The following SYN3 variants were observed in gnomAD, a reference collection of about 807,000 sequenced individuals.
SYN3 encodes synapsin III.
A neutral mutation model predicts 65.8 loss-of-function variants in SYN3; 35 were observed. That is an observed-to-expected ratio of 0.53 (90% confidence interval 0.41 to 0.70). The LOEUF (loss-of-function observed/expected upper bound fraction) is 0.70, where lower values mean the gene tolerates loss of function less well. SYN3 is among the 30% of genes least tolerant of loss of function. SYN3 has a pLI of 0.00. For synonymous variants in SYN3, 270 were observed against 292.9 expected (o/e 0.92, Z 0.80); for missense variants, 680 against 749.0 (o/e 0.91, Z 1.08).
At chr22:32,871,454 C>T (rs1408721618) in intron 4 of SYN3, among the ~76,000 whole-genome samples, 3 of 152,200 alleles carry the variant, frequency 2.0e-5, no homozygotes, top group Non-Finnish European at 4.4e-5. Flanking sequence ...CAAGATCCCA[C>T]ATGTGAAGTG....
chr22:32,595,224 A>G (rs1473496003), intron 7 of SYN3, among the ~76,000 whole-genome samples: 3 of 152,206 alleles, frequency 2.0e-5, no homozygotes, highest in African/African-American at 7.2e-5. Context: ...GTGCTGGACA[A>G]AAAGAGGGTC....
chr22:32,701,849 T>C (rs1053571382), intron 6 of SYN3, among the ~76,000 whole-genome samples: 1 of 151,772 alleles, frequency 6.6e-6, no homozygotes, highest in Non-Finnish European at 1.5e-5. Context: ...ACAGAAAAAA[T>C]TATGAAAATA....
At chr22:32,737,764 C>T (rs1450130515) in intron 6 of SYN3, among the ~76,000 whole-genome samples, 1 of 152,164 alleles carries the variant, frequency 6.6e-6, no homozygotes, top group Non-Finnish European at 1.5e-5. Flanking sequence ...CTCCACTTCC[C>T]ATCCTCCCTA....
intron 1 of SYN3, among the ~76,000 whole-genome samples, chr22:33,036,259 A>T (rs1433867934): frequency 6.6e-6 from 1 of 152,116 alleles, no homozygotes; most frequent in Non-Finnish European, 1.5e-5. Flanking sequence ...GCCTTCATAA[A>T]CCTCGATGAT....
intron 6 of SYN3, among the ~76,000 whole-genome samples, chr22:32,602,789 C>G (rs753756065): frequency 6.6e-6 from 1 of 151,970 alleles, no homozygotes; most frequent in Non-Finnish European, 1.5e-5. Context: ...ATAGCTGCAC[C>G]GTCTACACAT....
At chr22:32,605,508 A>C (rs2059360254) in intron 6 of SYN3, among the ~76,000 whole-genome samples, 1 of 152,192 alleles carries the variant, frequency 6.6e-6, no homozygotes, top group Admixed American at 6.5e-5. Context: ...AGCACTTTAC[A>C]TATATCGCCC....
chr22:32,706,646 A>T (rs1201989639), intron 6 of SYN3, among the ~76,000 whole-genome samples: 2 of 152,240 alleles, frequency 1.3e-5, no homozygotes, highest in East Asian at 3.8e-4. Context: ...TGAGGGGCAG[A>T]TGGGGGACCT....
intron 6 of SYN3, among the ~76,000 whole-genome samples, chr22:32,630,975 AC>A (rs2059739063): frequency 6.6e-6 from 1 of 152,154 alleles, no homozygotes; most frequent in African/African-American, 2.4e-5. Context: ...CCTAATGCTA[AC>A]CTCAGCCAGA....
intron 3 of SYN3, among the ~76,000 whole-genome samples, chr22:32,943,370 A>G (rs544351860): frequency 6.6e-6 from 1 of 152,212 alleles, no homozygotes; most frequent in Non-Finnish European, 1.5e-5. Flanking sequence ...AAGGAGAAAT[A>G]AAATACTTTA....
intron 4 of SYN3, among the ~76,000 whole-genome samples, chr22:32,889,428 A>G (rs921181781): frequency 6.6e-6 from 1 of 152,152 alleles, no homozygotes; most frequent in Admixed American, 6.5e-5. Context: ...GAAAAAAAAA[A>G]AACAAAAAAC....
At chr22:32,623,171 T>G (rs541937500) in intron 6 of SYN3, among the ~76,000 whole-genome samples, 1 of 152,018 alleles carries the variant, frequency 6.6e-6, no homozygotes, top group South Asian at 2.1e-4. Flanking sequence ...GGATAGTTTT[T>G]GCTTTTTTTT....
At chr22:32,596,583 G>C (rs1422094474) in intron 7 of SYN3, 91 bp downstream of exon 7, 1 of 1,357,004 alleles carries the variant, frequency 7.4e-7, no homozygotes, top group Non-Finnish European at 1.0e-6. Context: ...CCTGTGCTAA[G>C]GGGTTGATGG....
intron 3 of SYN3, among the ~76,000 whole-genome samples, chr22:32,970,283 C>T (rs529612450): frequency 3.6e-4 from 54 of 152,072 alleles, no homozygotes; most frequent in Non-Finnish European, 6.2e-4. Flanking sequence ...GTGGTGGGGC[C>T]GGGATTCAAA....
chr22:32,874,861 G>A (rs1357072002), intron 4 of SYN3, among the ~76,000 whole-genome samples: 2 of 152,138 alleles, frequency 1.3e-5, no homozygotes, highest in African/African-American at 4.8e-5. Flanking sequence ...CTCCACCTTG[G>A]AAAATTCAAC....
intron 6 of SYN3, among the ~76,000 whole-genome samples, chr22:32,773,525 A>C (rs776834937): frequency 3.4e-4 from 51 of 151,988 alleles, no homozygotes; most frequent in Non-Finnish European, 6.8e-4. Flanking sequence ...CCTCTTTCTC[A>C]AAAGAGGTGG....
At chr22:33,057,356 C>T (rs1387263227) in intron 1 of SYN3, among the ~76,000 whole-genome samples, 2 of 152,192 alleles carry the variant, frequency 1.3e-5, no homozygotes, top group African/African-American at 2.4e-5. Context: ...CAGCAAGACC[C>T]GGTCCTACTC....
intron 6 of SYN3, among the ~76,000 whole-genome samples, chr22:32,633,320 T>C (rs915340486): frequency 6.6e-6 from 1 of 152,198 alleles, no homozygotes; most frequent in African/African-American, 2.4e-5. Context: ...CGAGGAACAG[T>C]GACTTGTCCC....
intron 4 of SYN3, among the ~76,000 whole-genome samples, chr22:32,903,327 G>C (rs1257786078): frequency 6.6e-6 from 1 of 152,190 alleles, no homozygotes; most frequent in African/African-American, 2.4e-5. Flanking sequence ...GTTATGACCT[G>C]TGAGGTGATC....
At chr22:32,907,475 G>A (rs1421985796) in intron 4 of SYN3, among the ~76,000 whole-genome samples, 1 of 152,168 alleles carries the variant, frequency 6.6e-6, no homozygotes, top group Non-Finnish European at 1.5e-5. Flanking sequence ...CAGACATTCA[G>A]CAAATGCCTA....
Sources: gnomAD v4.1 joint callset for allele counts (sites outside exome capture counted in the v4.1 genomes callset) on GRCh38, gnomAD v4.1.1 for gene constraint, MANE v1.5 for transcripts, NCBI Gene and HGNC (gene_info 2026-07-23, HGNC 2026-07-21) for gene names.